The following ITPRIPL2 variants were observed in gnomAD, a reference collection of about 807,000 sequenced individuals.
ITPRIPL2 encodes the protein ITPRIP like 2, also known as inositol 1,4,5-trisphosphate receptor-interacting protein-like 2.
Under a neutral mutation model 31.7 loss-of-function variants are expected in ITPRIPL2, and 29 were observed. The observed-to-expected ratio is 0.91, with a 90% CI of 0.68 to 1.25. The LOEUF is 1.25. Among genes scored for constraint, ITPRIPL2 ranks in the 50% most tolerant of loss-of-function variants. The pLI is 0.00. For missense variants in ITPRIPL2, 696 were observed against 739.1 expected (o/e 0.94, Z 0.68); for synonymous variants, 344 against 343.4 (o/e 1.00, Z -0.02).
At position 19,115,923 on chromosome 16, in the gene ITPRIPL2, G is replaced by C. The variant is rs746173579; in HGVS notation, c.1462G>C (p.Ala488Pro). 3.1e-6 allele frequency: 5 copies of C among 1,612,232 alleles called. No homozygotes were observed. In the East Asian group the frequency reaches 1.1e-4, roughly 36 times the overall value. The change falls in exon 1 of 1, where the codon GCC (alanine) becomes CCC (proline). Residue 488 changes from alanine (A) to proline (P), a missense_variant. Transcript: ENST00000381440. ...VDLLAAFDGH[A>P]RELAAARLLS... ...CCTCCTGGCCGCTTTCGACGGGCAC[G>C]CCCGGGAACTTGCAGCAGCGCGGTT...
chr16:19,114,678 C>T lies in ITPRIPL2; in HGVS notation c.217C>T (p.Arg73Cys). 1 of 1,611,656 alleles carries T rather than the reference C, an allele frequency of 6.2e-7. No homozygotes were observed. The highest frequency in any genetic ancestry group is 2.2e-5 in the East Asian group (1 of 44,828). ...GCGCTGTCGCCACGCTGTCCGGCAG[C>T]GCTTCCTGCCCGGGTCTCCCCGTCT... ...LLRCRHAVRQ[R>C]FLPGSPRLEG... Residue 73 changes from arginine (R) to cysteine (C), a missense_variant, in exon 1 of 1, where the codon CGC becomes TGC. By Grantham distance (180) the Arg-to-Cys change is radical (BLOSUM62 -3). Transcript: ENST00000381440.
chr16:19,114,894 G>C lies in ITPRIPL2; in HGVS notation c.433G>C (p.Gly145Arg), dbSNP rs769900510. The change falls in exon 1 of 1, where the codon GGG (glycine) becomes CGG (arginine). Residue 145 changes from glycine to arginine, a missense_variant. Transcript: ENST00000381440. The part of the protein sequence containing the change: ...RARGSPGLIP[G>R]GALALAFRGD... ...CCGGGGGTCCCCCGGTCTCATTCCT[G>C]GGGGAGCGCTGGCCTTGGCCTTCCG... The C allele has an allele frequency of 1.2e-6, 2 of 1,609,534 alleles. No homozygotes were observed. The highest frequency in any genetic ancestry group is 1.1e-5 in the South Asian group (1 of 90,858).
Position 19,114,650 on chromosome 16 carries a change from C to G in ITPRIPL2, c.189C>G (p.Leu63=). Residue 63 remains leucine, a synonymous_variant, in exon 1 of 1, where the codon CTC becomes CTG. Coordinates refer to ENST00000381440, the MANE Select transcript of ITPRIPL2 (RefSeq NM_001034841.4). ...VAVLLLLSYV[L]LRCRHAVRQR... The stretch of plus-strand genomic sequence containing the variant: ...TCCTGCTCCTCCTCAGCTATGTCCT[C>G]CTGCGCTGTCGCCACGCTGTCCGGC... The G allele has an allele frequency of 6.2e-7, 1 of 1,608,320 alleles. No homozygotes were observed. Among genetic ancestry groups the G allele is most frequent in the Non-Finnish European group, 8.5e-7 (1 of 1,178,028 alleles).
rs1567552450 is a variant in ITPRIPL2 at position 19,119,922 on chromosome 16, A to G, written c.*3853A>G. ...AGTTTGCAGATGAGTAATCAGAAGG[A>G]TTGCAGAATAACTTGTTTCTTTGTA... On this transcript the variant is annotated 3_prime_UTR_variant, in exon 1 of 1. Coordinates refer to ENST00000381440, the MANE Select transcript of ITPRIPL2 (RefSeq NM_001034841.4). The G allele has an allele frequency of 6.0e-6, 1 of 167,026 alleles. No individual in the cohort carries two copies. The highest frequency in any genetic ancestry group is 1.5e-5 in the Non-Finnish European group (1 of 68,118). The allele number at this position is 167,026 out of a possible 1,614,324, so 10.3% of individuals were successfully genotyped here. A position where few individuals can be genotyped will look rare whatever the true frequency, so the allele number is the denominator to read the frequency against.
In ITPRIPL2 at chr16:19,115,298, C is replaced by T; in HGVS notation, c.837C>T (p.Thr279=). 7 of 1,613,222 alleles carry T rather than the reference C, an allele frequency of 4.3e-6. No individual in the cohort carries two copies. Among genetic ancestry groups the T allele is most frequent in the Non-Finnish European group, 5.9e-6 (7 of 1,180,008 alleles). Reference sequence around the variant, plus strand: ...AGGGGCGCTGTCGGGTCACCTTGACCCCAGGTGGCCTGGAACAGCCCCCCA... The same window carrying T: ...AGGGGCGCTGTCGGGTCACCTTGACTCCAGGTGGCCTGGAACAGCCCCCCA... The part of the protein sequence containing the change: ...SLEGRCRVTL[T]PGGLEQPPTL... The change falls in exon 1 of 1, where the codon ACC becomes ACT. Residue 279 remains threonine (T), a synonymous_variant. Transcript: ENST00000381440.
In ITPRIPL2 at chr16:19,114,479, C is replaced by T. The variant is rs1963403802; in HGVS notation, c.18C>T (p.Thr6=). Residue 6 remains threonine, a synonymous_variant, in exon 1 of 1, where the codon ACC becomes ACT. Coordinates refer to ENST00000381440, the MANE Select transcript of ITPRIPL2 (RefSeq NM_001034841.4). MSVHY[T]LNLRVFWPLV... is the part of the protein sequence containing the mutation. ...CGCCCGGCATGTCGGTGCACTACACCCTCAATCTACGCGTCTTCTGGCCCC... is the reference window on the plus strand; with the variant it reads ...CGCCCGGCATGTCGGTGCACTACACTCTCAATCTACGCGTCTTCTGGCCCC... 8 of 1,443,630 alleles carry T rather than the reference C, an allele frequency of 5.5e-6. No individual in the cohort carries two copies. The highest frequency in any genetic ancestry group is 7.3e-6 in the Non-Finnish European group (8 of 1,097,432). The allele number at this position is 1,443,630 out of a possible 1,614,324, so 89.4% of individuals were successfully genotyped here.
chr16:19,119,067 C>T lies in ITPRIPL2; in HGVS notation c.*2998C>T. 2.4e-6 allele frequency: 1 copy of T among 413,520 alleles called. No homozygotes were observed. Among genetic ancestry groups the T allele is most frequent in the Non-Finnish European group, 4.4e-6 (1 of 226,150 alleles). 25.6% of individuals were successfully genotyped at this position (413,520 alleles called of 1,614,324 possible). A position where few individuals can be genotyped will look rare whatever the true frequency, so the allele number is the denominator to read the frequency against. ...AGGAAAATGTTTCTGGGGAAGATGA[C>T]TCAGTCATTTTGTGGCGAGACACCC... On this transcript the variant is annotated 3_prime_UTR_variant, in exon 1 of 1. Coordinates refer to ENST00000381440, the MANE Select transcript of ITPRIPL2 (RefSeq NM_001034841.4).
At position 19,118,055 on chromosome 16, in the gene ITPRIPL2, T is replaced by TTA. The variant is rs201232087; in HGVS notation, c.*2000_*2001dup. 0.017 allele frequency: 2,816 copies of TTA among 163,726 alleles called. 45 individuals carry two copies. Among genetic ancestry groups the TTA allele is most frequent in the African/African-American group, 0.046 (1,860 of 40,752 alleles). The allele number at this position is 163,726 out of a possible 1,614,324, so 10.1% of individuals were successfully genotyped here. A position where few individuals can be genotyped will look rare whatever the true frequency, so the allele number is the denominator to read the frequency against. On this transcript the variant is annotated 3_prime_UTR_variant, in exon 1 of 1. Transcript: ENST00000381440. ...TTAAAATAAATGCCAAGAGTAGATC[T>TTA]TATATATATATATATGTATACATAT...
At position 19,114,514 on chromosome 16, in the gene ITPRIPL2, G is replaced by A; in HGVS notation, c.53G>A (p.Gly18Asp). The change falls in exon 1 of 1, where the codon GGC (glycine) becomes GAC (aspartate). Residue 18 changes from glycine to aspartate, a missense_variant. Physicochemically the swap from Gly to Asp is moderately conservative, Grantham distance 94. Transcript: ENST00000381440. ...CGCGTCTTCTGGCCCCTGGTGACCGGCCTGTGCACCGCCCTGGTGTGCCTC... is the reference window on the plus strand; with the variant it reads ...CGCGTCTTCTGGCCCCTGGTGACCGACCTGTGCACCGCCCTGGTGTGCCTC... ...NLRVFWPLVT[G>D]LCTALVCLYH... 6.8e-7 allele frequency: 1 copy of A among 1,465,458 alleles called. No homozygotes were observed. Among genetic ancestry groups the A allele is most frequent in the Non-Finnish European group, 9.0e-7 (1 of 1,108,378 alleles). 90.8% of individuals were successfully genotyped at this position (1,465,458 alleles called of 1,614,324 possible).
chr16:19,115,005 C>T lies in ITPRIPL2; in HGVS notation c.544C>T (p.Leu182Phe), dbSNP rs780523773. The change falls in exon 1 of 1, where the codon CTC becomes TTC. Residue 182 changes from leucine to phenylalanine, a missense_variant. By Grantham distance (22) the Leu-to-Phe change is conservative. Transcript: ENST00000381440. Reference sequence around the variant, plus strand: ...CTTCGACGTGCTGGTGCCACTGCGCCTCCCGCCGCTTGTGGCGCTGGAGCC... The same window carrying T: ...CTTCGACGTGCTGGTGCCACTGCGCTTCCCGCCGCTTGTGGCGCTGGAGCC... ...DSFDVLVPLR[L>F]PPLVALEPRS... 3.1e-6 allele frequency: 5 copies of T among 1,598,968 alleles called. No individual in the cohort carries two copies. In the South Asian group the frequency reaches 3.3e-5, roughly 11 times the overall value.
rs190490195 is a variant in ITPRIPL2, at chr16:19,121,358, T to A, written c.*5289T>A. On this transcript the variant is annotated 3_prime_UTR_variant, in exon 1 of 1. Coordinates refer to ENST00000381440, the MANE Select transcript of ITPRIPL2 (RefSeq NM_001034841.4). ...TTTTTAATGTCTTCTGACCCCAAAC[T>A]GTGTTTTTGGTTGCAGTCTGGCGGC... 6.0e-6 allele frequency: 1 copy of A among 167,174 alleles called. No individual in the cohort carries two copies. Among genetic ancestry groups the A allele is most frequent in the East Asian group, 1.9e-4 (1 of 5,188 alleles). The allele number at this position is 167,174 out of a possible 1,614,324, so 10.4% of individuals were successfully genotyped here.
At position 19,120,625 on chromosome 16, in the gene ITPRIPL2, A is replaced by ATATATTTT. The variant is rs1248708235; in HGVS notation, c.*4557_*4558insATATTTTT. 1.1e-5 allele frequency: 1 copy of ATATATTTT among 92,164 alleles called. No individual in the cohort carries two copies. Among genetic ancestry groups the ATATATTTT allele is most frequent in the African/African-American group, 5.0e-5 (1 of 20,036 alleles). 5.7% of individuals were successfully genotyped at this position (92,164 alleles called of 1,614,324 possible). ...CTAATATATATATATATATATATAT[A>ATATATTTT]TTTTTTTTTTTTTTTTTTAGTAGAG... On this transcript the variant is annotated 3_prime_UTR_variant, in exon 1 of 1. Transcript: ENST00000381440.
At position 19,118,786 on chromosome 16, in the gene ITPRIPL2, T is replaced by C. The variant is rs1963476805; in HGVS notation, c.*2717T>C. 2.5e-6 allele frequency: 1 copy of C among 406,166 alleles called. No individual in the cohort carries two copies. Among genetic ancestry groups the C allele is most frequent in the Non-Finnish European group, 4.5e-6 (1 of 221,978 alleles). The allele number at this position is 406,166 out of a possible 1,614,324, so 25.2% of individuals were successfully genotyped here. A position where few individuals can be genotyped will look rare whatever the true frequency, so the allele number is the denominator to read the frequency against. On this transcript the variant is annotated 3_prime_UTR_variant, in exon 1 of 1. Transcript: ENST00000381440. ...AGAGATTTCGATCAATTTTGATCAA[T>C]GTTTAGTAAACCAAAACATGTACTG... is the stretch of plus-strand genomic sequence containing the variant.
Position 19,114,990 on chromosome 16 carries a change from C to T in ITPRIPL2, c.529C>T (p.Leu177=), listed in dbSNP as rs1963416939. 3.1e-6 allele frequency: 5 copies of T among 1,600,330 alleles called. No individual in the cohort carries two copies. In the South Asian group the frequency reaches 4.4e-5, roughly 14 times the overall value. Residue 177 remains leucine (L), a synonymous_variant, in exon 1 of 1, where the codon CTG becomes TTG. Transcript: ENST00000381440. ...CCGCCGGCCCGACAGCTTCGACGTG[C>T]TGGTGCCACTGCGCCTCCCGCCGCT... ...KIRRPDSFDV[L]VPLRLPPLVA... is the part of the protein sequence containing the mutation.
rs1596852542 is a variant in ITPRIPL2 at position 19,114,093 on chromosome 16, G to A, written c.-369G>A. 1.0e-5 allele frequency: 4 copies of A among 397,160 alleles called. No homozygotes were observed. The highest frequency in any genetic ancestry group is 4.4e-6 in the Non-Finnish European group (1 of 225,194). The allele number at this position is 397,160 out of a possible 1,614,324, so 24.6% of individuals were successfully genotyped here. On this transcript the variant is annotated 5_prime_UTR_variant, in exon 1 of 1. Coordinates refer to ENST00000381440, the MANE Select transcript of ITPRIPL2 (RefSeq NM_001034841.4). ...GAGTAACAGGGTCAGGCGCGGAGAG[G>A]AGCGGCGGGAGAGCCAGGAGGGCCG...
chr16:19,118,811 G>A lies in ITPRIPL2; in HGVS notation c.*2742G>A. On this transcript the variant is annotated 3_prime_UTR_variant, in exon 1 of 1. Transcript: ENST00000381440. ...TGTTTAGTAAACCAAAACATGTACT[G>A]TGTACAACGGAAATAATATGGCATA... 1 of 409,372 alleles carries A rather than the reference G, an allele frequency of 2.4e-6. No individual in the cohort carries two copies. Among genetic ancestry groups the A allele is most frequent in the Non-Finnish European group, 4.5e-6 (1 of 224,058 alleles). The allele number at this position is 409,372 out of a possible 1,614,324, so 25.4% of individuals were successfully genotyped here. A position where few individuals can be genotyped will look rare whatever the true frequency, so the allele number is the denominator to read the frequency against.
chr16:19,114,186 G>A lies in ITPRIPL2; in HGVS notation c.-276G>A, dbSNP rs1199457683. ...ACGGCGGCGCGCGGGGGCGCCGGGCGGGGAGGGCCGCTGGGCCGGACTCAG... is the reference window on the plus strand; with the variant it reads ...ACGGCGGCGCGCGGGGGCGCCGGGCAGGGAGGGCCGCTGGGCCGGACTCAG... On this transcript the variant is annotated 5_prime_UTR_variant, in exon 1 of 1. Transcript: ENST00000381440. The A allele has an allele frequency of 9.1e-6, 3 of 329,624 alleles. No individual in the cohort carries two copies. The highest frequency in any genetic ancestry group is 2.2e-5 in the African/African-American group (1 of 45,996). 20.4% of individuals were successfully genotyped at this position (329,624 alleles called of 1,614,324 possible).
rs1963502772 is a variant in ITPRIPL2, at chr16:19,120,531, G to C, written c.*4462G>C. ...GGCTCACTGCAATCTCCTCCTCCCA[G>C]GTTCAAGTGATTCTTGGGCCTTAGC... On this transcript the variant is annotated 3_prime_UTR_variant, in exon 1 of 1. Coordinates refer to ENST00000381440, the MANE Select transcript of ITPRIPL2 (RefSeq NM_001034841.4). 6.9e-6 allele frequency: 1 copy of C among 144,594 alleles called. No individual in the cohort carries two copies. The highest frequency in any genetic ancestry group is 7.0e-5 in the Admixed American group (1 of 14,330). The allele number at this position is 144,594 out of a possible 1,614,324, so 9.0% of individuals were successfully genotyped here. A position where few individuals can be genotyped will look rare whatever the true frequency, so the allele number is the denominator to read the frequency against.
rs1475800787 is a variant in ITPRIPL2, at chr16:19,114,933, C to T, written c.472C>T (p.Gln158Ter). ...LALAFRGDFI[Q>*]VGSAYEQHKI... ...CTTGGCCTTCCGCGGAGACTTCATCCAGGTGGGCAGCGCCTACGAGCAACA... is the reference window on the plus strand; with the variant it reads ...CTTGGCCTTCCGCGGAGACTTCATCTAGGTGGGCAGCGCCTACGAGCAACA... Residue 158 changes from glutamine (Q) to a stop codon, truncating the protein, a stop_gained, in exon 1 of 1, where the codon CAG (glutamine) becomes TAG (stop). Coordinates refer to ENST00000381440, the MANE Select transcript of ITPRIPL2 (RefSeq NM_001034841.4). LOFTEE classifies it high-confidence loss of function. The T allele has an allele frequency of 6.2e-7, 1 of 1,609,132 alleles. No homozygotes were observed. The highest frequency in any genetic ancestry group is 8.5e-7 in the Non-Finnish European group (1 of 1,179,736).
Sources: allele counts gnomAD v4.1 joint callset, GRCh38; gene constraint gnomAD v4.1.1; transcripts MANE v1.5; gene names NCBI Gene and HGNC (gene_info 2026-07-23, HGNC 2026-07-21).